Variants in VTI1A observed in about 807,000 individuals in gnomAD.
The protein encoded by VTI1A is vesicle transport through interaction with t-SNAREs homolog 1A.
A neutral mutation model predicts 34.9 loss-of-function variants in VTI1A; 22 were observed. The ratio of observed to expected loss-of-function variants is 0.63; its 90% CI spans 0.45 to 0.90. VTI1A has a LOEUF of 0.90. Ranked by LOEUF, VTI1A falls within the 40% of genes least tolerant of loss-of-function variation. The pLI, the probability that VTI1A is intolerant of heterozygous loss-of-function variation, is 0.00. For missense variants in VTI1A, 268 were observed against 275.6 expected, an observed-to-expected ratio of 0.97 and a Z score of 0.20; for synonymous variants, 87 against 97.3, an observed-to-expected ratio of 0.89 and a Z score of 0.62.
At chr10:112,618,898 G>A (rs1175089953) in intron 5 of VTI1A, among the ~76,000 whole-genome samples, 1 of 152,060 alleles carries the variant, frequency 6.6e-6, no homozygotes, top group Non-Finnish European at 1.5e-5. Context: ...GGATAGGGTA[G>A]AGGAAATACA....
At chr10:112,685,325 ATT>A (rs1156675383) in intron 7 of VTI1A, among the ~76,000 whole-genome samples, 1 of 151,994 alleles carries the variant, frequency 6.6e-6, no homozygotes, top group African/African-American at 2.4e-5. Flanking sequence ...TTTAAAAATA[ATT>A]TTTTTCTCTT....
At chr10:112,478,239 CAGGCAGTGTAGATTGG>C (rs1221521167) in intron 3 of VTI1A, among the ~76,000 whole-genome samples, 1 of 152,156 alleles carries the variant, frequency 6.6e-6, no homozygotes, top group Non-Finnish European at 1.5e-5. Flanking sequence ...CAGAAAAGCC[CAGGCAGTGTAGATTGG>C]AGGCCTTGGA....
intron 7 of VTI1A, among the ~76,000 whole-genome samples, chr10:112,812,356 C>T (rs1853347869): frequency 6.6e-6 from 1 of 152,236 alleles, no homozygotes; most frequent in African/African-American, 2.4e-5. Context: ...GGGCTTCTCC[C>T]CAAGTTCCTT....
chr10:112,488,780 T>G (rs1413906271), intron 3 of VTI1A, among the ~76,000 whole-genome samples: 1 of 152,196 alleles, frequency 6.6e-6, no homozygotes, highest in Non-Finnish European at 1.5e-5. Flanking sequence ...GTCTATGTAT[T>G]TTGGGTCCCA....
At chr10:112,721,787 C>G (rs1352535453) in intron 7 of VTI1A, among the ~76,000 whole-genome samples, 1 of 151,224 alleles carries the variant, frequency 6.6e-6, no homozygotes, top group Non-Finnish European at 1.5e-5. Flanking sequence ...TAATTTTGAA[C>G]CCATATAAAG....
At chr10:112,494,664 A>G (rs1848949962) in intron 3 of VTI1A, among the ~76,000 whole-genome samples, 1 of 152,048 alleles carries the variant, frequency 6.6e-6, no homozygotes, top group Non-Finnish European at 1.5e-5. Flanking sequence ...GCATGCCACA[A>G]CACCCAGCTA....
intron 5 of VTI1A, among the ~76,000 whole-genome samples, chr10:112,618,411 T>C (rs1396891432): frequency 6.8e-6 from 1 of 147,466 alleles, no homozygotes; most frequent in Non-Finnish European, 1.5e-5. Context: ...CTAAAAGGCA[T>C]GAGAGAAGTA....
intron 1 of VTI1A, chr10:112,450,666 A>G (rs1160259290): frequency 2.0e-5 from 3 of 152,244 alleles, no homozygotes; most frequent in Admixed American, 6.5e-5. Context: ...ATTTTATTTT[A>G]AGAAAGAAAT....
chr10:112,582,589 T>C lies in VTI1A; in HGVS notation c.427+44259T>C, dbSNP rs796713532. Reference sequence around the variant, plus strand: ...CTTTTAGGTGGTAGAAAAGTAGTGATTTTAAAGACTTGTGGTCCAAGAATG... The same window carrying C: ...CTTTTAGGTGGTAGAAAAGTAGTGACTTTAAAGACTTGTGGTCCAAGAATG... On this transcript the variant is annotated intron_variant, in intron 5 of 7. Transcript: ENST00000393077. Among the ~76,000 whole-genome samples the C allele has an allele frequency of 1.1e-4, 17 of 152,238 alleles. 1 individual carries two copies. The highest frequency in any genetic ancestry group is 3.9e-4 in the African/African-American group (16 of 41,522).
rs555272144 is a variant in VTI1A at position 112,755,793 on chromosome 10, C to G, written c.561-59497C>G. On this transcript the variant is annotated intron_variant, in intron 7 of 7. Coordinates refer to ENST00000393077, the MANE Select transcript of VTI1A (RefSeq NM_145206.4). Reference sequence around the variant, plus strand: ...AATGTTAATTTCGTCTGGAGCCAAACAGGTAATTTTCCCCTCAGCATTTTT... The same window carrying G: ...AATGTTAATTTCGTCTGGAGCCAAAGAGGTAATTTTCCCCTCAGCATTTTT... Among the ~76,000 whole-genome samples the G allele has an allele frequency of 4.6e-5, 7 of 152,244 alleles. No homozygotes were observed. In the East Asian group the frequency reaches 7.7e-4, roughly 17 times the overall value.
rs542889758 is a variant in VTI1A at position 112,816,383 on chromosome 10, T to A, written c.*1000T>A. 1 of 223,296 alleles carries A rather than the reference T, an allele frequency of 4.5e-6. No individual in the cohort carries two copies. The highest frequency in any genetic ancestry group is 8.9e-6 in the Non-Finnish European group (1 of 111,872). The allele number at this position is 223,296 out of a possible 1,614,324, so 13.8% of individuals were successfully genotyped here. On this transcript the variant is annotated 3_prime_UTR_variant, in exon 8 of 8. Coordinates refer to ENST00000393077, the MANE Select transcript of VTI1A (RefSeq NM_145206.4). ...GTCCTATAGGAGGGTCCACCAGAGA[T>A]AAACTTCACGGAAAACGTTCCCTAA...
At chr10:112,627,080 C>A (rs1246494039) in intron 5 of VTI1A, among the ~76,000 whole-genome samples, 1 of 152,218 alleles carries the variant, frequency 6.6e-6, no homozygotes, top group African/African-American at 2.4e-5. Context: ...ATTCAGTCTT[C>A]CCTGTCTCAG....
chr10:112,609,745 A>G (rs552518715), intron 5 of VTI1A, among the ~76,000 whole-genome samples: 8 of 152,296 alleles, frequency 5.3e-5, no homozygotes. Flanking sequence ...ATTTTAAAAA[A>G]ATGAAATCAC....
chr10:112,765,192 A>C (rs980728616), intron 7 of VTI1A, among the ~76,000 whole-genome samples: 14 of 151,660 alleles, frequency 9.2e-5, no homozygotes, highest in Non-Finnish European at 1.8e-4. Context: ...ACTAGTTTGT[A>C]TGTTTTGTTT....
At chr10:112,790,819 G>A (rs1038520539) in intron 7 of VTI1A, among the ~76,000 whole-genome samples, 2 of 148,818 alleles carry the variant, frequency 1.3e-5, no homozygotes, top group Admixed American at 1.3e-4. Context: ...TGAATTTGCC[G>A]ACCTCTTCGC....
chr10:112,471,733 A>C (rs901703401), intron 3 of VTI1A, among the ~76,000 whole-genome samples: 1 of 152,126 alleles, frequency 6.6e-6, no homozygotes, highest in Non-Finnish European at 1.5e-5. Flanking sequence ...TCTTCCTTCA[A>C]CATTGATATG....
At chr10:112,749,019 C>A (rs997149483) in intron 7 of VTI1A, among the ~76,000 whole-genome samples, 1 of 152,112 alleles carries the variant, frequency 6.6e-6, no homozygotes, top group Non-Finnish European at 1.5e-5. Context: ...AAAAGTCTAC[C>A]GTATGACCCA....
At chr10:112,610,243 G>T (rs555568478) in intron 5 of VTI1A, among the ~76,000 whole-genome samples, 46 of 151,614 alleles carry the variant, frequency 3.0e-4, no homozygotes, top group African/African-American at 1.0e-3. Flanking sequence ...AAAGCCTGTG[G>T]AAAACATGGG....
At chr10:112,792,607 C>T (rs1564927577) in intron 7 of VTI1A, among the ~76,000 whole-genome samples, 1 of 152,142 alleles carries the variant, frequency 6.6e-6, no homozygotes, top group Admixed American at 6.5e-5. Flanking sequence ...TAAAACATTT[C>T]CTTCCCCAGA....
Sources: allele counts gnomAD v4.1 joint callset (sites outside exome capture counted in the v4.1 genomes callset), GRCh38; gene constraint gnomAD v4.1.1; transcripts MANE v1.5; gene names NCBI Gene and HGNC (gene_info 2026-07-23, HGNC 2026-07-21).